Variants in NCAPG2 observed in about 807,000 individuals in gnomAD.
NCAPG2 encodes the protein condensin-2 complex subunit G2.
In NCAPG2, 53 loss-of-function variants were observed where a neutral mutation model predicts 141.1. The observed-to-expected ratio is 0.38, with a 90% CI of 0.30 to 0.47. The LOEUF (loss-of-function observed/expected upper bound fraction) is 0.47, where lower values mean the gene tolerates loss of function less well. Ranked by LOEUF, NCAPG2 falls within the 20% of genes least tolerant of loss-of-function variation. The pLI, the probability that NCAPG2 is intolerant of heterozygous loss-of-function variation, is 0.99. For synonymous variants in NCAPG2, 499 were observed against 490.7 expected (o/e 1.02, Z -0.22); for missense variants, 1,087 against 1,389.0 (o/e 0.78, Z 3.46).
chr7:158,682,482 T>C (rs1834509761), intron 9 of NCAPG2, among the ~76,000 whole-genome samples: 1 of 152,152 alleles, frequency 6.6e-6, no homozygotes, highest in Admixed American at 6.5e-5. Context: ...TGAAATTAAA[T>C]CATCAATAAT....
intron 27 of NCAPG2, chr7:158,639,970 G>C (rs1830521959): frequency 2.5e-6 from 1 of 400,504 alleles, no homozygotes; most frequent in Non-Finnish European, 3.3e-6. Context: ...TCAGAAGAGA[G>C]AAAGGAACAG....
At chr7:158,631,874 T>C (rs1829911736) in intron 27 of NCAPG2, among the ~76,000 whole-genome samples, 157 bp from the exon 28 acceptor site, 1 of 152,216 alleles carries the variant, frequency 6.6e-6, no homozygotes, top group Non-Finnish European at 1.5e-5. Context: ...GTTTCTTGTA[T>C]GTAAAATGGA....
At chr7:158,671,062 C>G (rs901898705) in intron 13 of NCAPG2, among the ~76,000 whole-genome samples, 2 of 145,010 alleles carry the variant, frequency 1.4e-5, no homozygotes, top group African/African-American at 5.1e-5. Context: ...GTGGGTGTCT[C>G]CCTCCTTCAC....
chr7:158,694,822 C>T (rs1471347848), intron 2 of NCAPG2, among the ~76,000 whole-genome samples: 2 of 151,982 alleles, frequency 1.3e-5, no homozygotes, highest in Admixed American at 1.3e-4. Flanking sequence ...CTAGCTTTTT[C>T]CACCTCCGCT....
rs373650801 is a variant in NCAPG2 at position 158,650,837 on chromosome 7, G to A, written c.3070C>T (p.Arg1024Trp). Residue 1024 changes from arginine (R) to tryptophan (W), a missense_variant, in exon 24 of 28, where the codon CGG (arginine) becomes TGG (tryptophan). Physicochemically the swap from Arg to Trp is moderately radical, Grantham distance 101. Transcript: ENST00000356309. ...GPVVEISHQL[R>W]KVSDVEELTP... ...TCAGGATTAAAGCACTTCACCTTCCGTAGCTGGTGACTTATCTCAACCACA... is the reference window on the plus strand; with the variant it reads ...TCAGGATTAAAGCACTTCACCTTCCATAGCTGGTGACTTATCTCAACCACA... The A allele has an allele frequency of 4.3e-6, 7 of 1,610,440 alleles. No individual in the cohort carries two copies. Among genetic ancestry groups the A allele is most frequent in the African/African-American group, 4.0e-5 (3 of 74,754 alleles).
intron 2 of NCAPG2, among the ~76,000 whole-genome samples, chr7:158,698,740 C>T (rs1315205997): frequency 6.6e-6 from 1 of 152,106 alleles, no homozygotes; most frequent in East Asian, 1.9e-4. Flanking sequence ...TTAGCCACTC[C>T]ATCGTTCCCA....
intron 23 of NCAPG2, among the ~76,000 whole-genome samples, chr7:158,651,723 T>C (rs1831508116): frequency 6.6e-6 from 1 of 152,106 alleles, no homozygotes. Context: ...TCACTTCACA[T>C]CAGCTTTCAA....
chr7:158,680,349 G>A (rs1834371908), intron 10 of NCAPG2, among the ~76,000 whole-genome samples: 1 of 152,164 alleles, frequency 6.6e-6, no homozygotes, highest in Non-Finnish European at 1.5e-5. Context: ...ATACCAGGTT[G>A]TCTGCACTGA....
At chr7:158,659,834 G>A (rs1256244772) in intron 16 of NCAPG2, among the ~76,000 whole-genome samples, 3 of 152,056 alleles carry the variant, frequency 2.0e-5, no homozygotes, top group East Asian at 3.9e-4. Flanking sequence ...GTTAATGGCT[G>A]GGCACGGTGG....
intron 27 of NCAPG2, among the ~76,000 whole-genome samples, chr7:158,637,891 C>A (rs1256328818): frequency 2.0e-5 from 3 of 152,164 alleles, no homozygotes; most frequent in Non-Finnish European, 4.4e-5. Flanking sequence ...CCCCTGTAAT[C>A]CCAGCACTTT....
In NCAPG2 at chr7:158,675,663, G is replaced by A. The variant is rs144010950; in HGVS notation, c.1147-7C>T. 5,789 of 1,604,830 alleles carry A rather than the reference G, an allele frequency of 3.6e-3. 17 individuals are homozygous for A. Among genetic ancestry groups the A allele is most frequent in the Middle Eastern group, 5.5e-3 (33 of 6,030 alleles). On this transcript the variant is annotated splice_region_variant and splice_polypyrimidine_tract_variant and intron_variant, in intron 11 of 27. Coordinates refer to ENST00000356309, the MANE Select transcript of NCAPG2 (RefSeq NM_017760.7). Reference sequence around the variant, plus strand: ...AAGGATCTTCTAAAAGGCTCTATAAGTAGGAGGGGAGAAAGGCTTAAAAAC... The same window carrying A: ...AAGGATCTTCTAAAAGGCTCTATAAATAGGAGGGGAGAAAGGCTTAAAAAC...
intron 13 of NCAPG2, chr7:158,668,301 C>CCCTTACCCACAACTGGGTCCCTCCGCCCG (rs1833397652): frequency 2.3e-6 from 2 of 871,374 alleles, no homozygotes; most frequent in Non-Finnish European, 2.7e-6. Flanking sequence ...CCTAGGCCCT[C>CCCTTACCCACAACTGGGTCCCTCCGCCCG]CCTTACCCAC....
chr7:158,685,759 A>C (rs1247054262), intron 8 of NCAPG2, among the ~76,000 whole-genome samples: 1 of 152,242 alleles, frequency 6.6e-6, no homozygotes, highest in African/African-American at 2.4e-5. Context: ...GCCAACTACC[A>C]CATTTCGCCT....
chr7:158,662,244 T>C lies in NCAPG2; in HGVS notation c.1939A>G (p.Thr647Ala). Residue 647 changes from threonine to alanine, a missense_variant, in exon 16 of 28, where the codon ACG becomes GCG. Coordinates refer to ENST00000356309, the MANE Select transcript of NCAPG2 (RefSeq NM_017760.7). ...AGCACAGAGGCAAACTTGTTAATCG[T>C]GTAAAGTTTGGCCTCTTTATTATTT... The part of the protein sequence containing the change: ...MENNKEAKLY[T>A]INKFASVLPE... The C allele has an allele frequency of 6.2e-7, 1 of 1,610,130 alleles. No individual in the cohort carries two copies. Among genetic ancestry groups the C allele is most frequent in the Non-Finnish European group, 8.5e-7 (1 of 1,178,710 alleles).
chr7:158,676,181 C>G (rs972795720), intron 11 of NCAPG2, among the ~76,000 whole-genome samples: 1 of 152,090 alleles, frequency 6.6e-6, no homozygotes, highest in Non-Finnish European at 1.5e-5. Context: ...ATACATGAAT[C>G]GGATCAACTC....
chr7:158,663,220 A>C (rs143069714), intron 15 of NCAPG2, among the ~76,000 whole-genome samples: 112 of 152,332 alleles, frequency 7.4e-4, no homozygotes, highest in Admixed American at 1.7e-3. Flanking sequence ...GCCCTGAGAG[A>C]AGAAACTCAA....
chr7:158,699,863 A>C (rs1210696185), intron 2 of NCAPG2, among the ~76,000 whole-genome samples: 1 of 152,210 alleles, frequency 6.6e-6, no homozygotes, highest in East Asian at 1.9e-4. Flanking sequence ...TGTTTTTAAC[A>C]TGTCACTGGC....
chr7:158,695,127 A>G lies in NCAPG2; in HGVS notation c.79-1630T>C, dbSNP rs139945933. 1.6e-4 allele frequency among the ~76,000 whole-genome samples: 24 copies of G among 152,316 alleles called. 1 individual carries two copies. The highest frequency in any genetic ancestry group is 5.3e-4 in the African/African-American group (22 of 41,576). ...GACAGTTTTGGTGCTGGGGTCATTC[A>G]TCTGGGTGATGGACCACAGCTACTG... On this transcript the variant is annotated intron_variant, in intron 2 of 27. Coordinates refer to ENST00000356309, the MANE Select transcript of NCAPG2 (RefSeq NM_017760.7).
chr7:158,668,242 CT>C lies in NCAPG2; in HGVS notation c.1479+3271del, dbSNP rs1402254455. On this transcript the variant is annotated intron_variant, in intron 13 of 27. Transcript: ENST00000356309. Reference sequence around the variant, plus strand: ...TTACCCACTACTGGGTCCCTCTGCCCTCCTTACCCACTACTGGGTCCCTCTG... The same window carrying C: ...TTACCCACTACTGGGTCCCTCTGCCCCCTTACCCACTACTGGGTCCCTCTG... The C allele has an allele frequency of 4.0e-5, 16 of 400,936 alleles. 1 individual carries two copies. The Admixed American group carries it at 2.0e-3, about 49-fold the overall frequency. The allele number at this position is 400,936 out of a possible 1,614,324, so 24.8% of individuals were successfully genotyped here. A position where few individuals can be genotyped will look rare whatever the true frequency, so the allele number is the denominator to read the frequency against.
Sources: allele counts gnomAD v4.1 joint callset (sites outside exome capture counted in the v4.1 genomes callset), GRCh38; gene constraint gnomAD v4.1.1; transcripts MANE v1.5; gene names NCBI Gene and HGNC (gene_info 2026-07-23, HGNC 2026-07-21).